The following CTH variants were observed in gnomAD, a reference collection of about 807,000 sequenced individuals.
The protein encoded by CTH is cystathionase (cystathionine gamma-lyase).
In CTH, 41 loss-of-function variants were observed where a neutral mutation model predicts 50.6. The observed-to-expected ratio is 0.81, with a 90% CI of 0.63 to 1.05. The LOEUF (loss-of-function observed/expected upper bound fraction) is 1.05, where lower values mean the gene tolerates loss of function less well. Among genes scored for constraint, CTH ranks in the 50% least tolerant of loss-of-function variants. The pLI is 0.00. For missense variants in CTH, 470 were observed against 492.6 expected (o/e 0.95, Z 0.43); for synonymous variants, 156 against 168.9 (o/e 0.92, Z 0.59).
rs1684495992 is a variant in CTH, at chr1:70,432,375, T to C, written c.877+140T>C. 3 of 1,023,244 alleles carry C rather than the reference T, an allele frequency of 2.9e-6. No homozygotes were observed. The Admixed American group carries it at 6.2e-5, about 21-fold the overall frequency. The allele number at this position is 1,023,244 out of a possible 1,614,324, so 63.4% of individuals were successfully genotyped here. ...ATTTATTATTGAGCACTGCCATGTG[T>C]CAGGCTCTGTGGTGGGTCAGGTGGA... On this transcript the variant is annotated intron_variant, in intron 8 of 11. Transcript: ENST00000370938.
intron 9 of CTH, chr1:70,434,875 T>G (rs1209027947): frequency 2.9e-6 from 1 of 350,274 alleles, no homozygotes; most frequent in Non-Finnish European, 5.5e-6. Flanking sequence ...GCTTCAGCCT[T>G]CCAGGTAGCT....
At chr1:70,414,067 T>C (rs1173875229) in intron 1 of CTH, among the ~76,000 whole-genome samples, 1 of 151,804 alleles carries the variant, frequency 6.6e-6, no homozygotes, top group Non-Finnish European at 1.5e-5. Flanking sequence ...TAAAGGGAAT[T>C]TGAAGAGCTG....
chr1:70,418,851 C>A (rs895984370), intron 3 of CTH, among the ~76,000 whole-genome samples: 7 of 152,042 alleles, frequency 4.6e-5, no homozygotes, highest in African/African-American at 1.4e-4. Context: ...GAGTGATTAG[C>A]ATTTTAATTT....
At position 70,433,844 on chromosome 1, in the gene CTH, A is replaced by G; in HGVS notation, c.894A>G (p.Pro298=). ...TGATTACAGGGCTGCCCTCTCATCC[A>G]CAGCATGAGTTGGTGAAGCGTCAGT... ...KVIYPGLPSH[P]QHELVKRQCT... The change falls in exon 9 of 12, where the codon CCA becomes CCG. Residue 298 remains proline (P), a synonymous_variant. Coordinates refer to ENST00000370938, the MANE Select transcript of CTH (RefSeq NM_001902.6). The G allele has an allele frequency of 1.2e-6, 2 of 1,614,012 alleles. No individual in the cohort carries two copies. Among genetic ancestry groups the G allele is most frequent in the South Asian group, 1.1e-5 (1 of 91,080 alleles).
chr1:70,437,443 A>G (rs1684621549), intron 10 of CTH, among the ~76,000 whole-genome samples: 1 of 152,198 alleles, frequency 6.6e-6, no homozygotes, highest in Non-Finnish European at 1.5e-5. Context: ...CAAACCACCT[A>G]GTAGAGTATC....
intron 5 of CTH, among the ~76,000 whole-genome samples, chr1:70,425,495 C>T (rs1189778789): frequency 6.6e-6 from 1 of 152,178 alleles, no homozygotes; most frequent in Non-Finnish European, 1.5e-5. Context: ...CCTCTTTTAT[C>T]AGGGCACTGT....
chr1:70,428,777 A>C, intron 5 of CTH, among the ~76,000 whole-genome samples: 1 of 151,696 alleles, frequency 6.6e-6, no homozygotes, highest in East Asian at 1.9e-4. Flanking sequence ...TGCTCAGCTA[A>C]TTTTTTTGTA....
At chr1:70,422,453 T>G (rs1173129800) in intron 4 of CTH, among the ~76,000 whole-genome samples, 1 of 152,218 alleles carries the variant, frequency 6.6e-6, no homozygotes, top group Non-Finnish European at 1.5e-5. Context: ...AAGATTATGT[T>G]GCAATGAATG....
chr1:70,424,259 T>G lies in CTH; in HGVS notation c.457-26T>G, dbSNP rs749286875. 1.9e-6 allele frequency: 3 copies of G among 1,613,800 alleles called. No homozygotes were observed. The East Asian group carries it at 6.7e-5, about 36-fold the overall frequency. The stretch of plus-strand genomic sequence containing the variant: ...GTTTGTAAAGTATATTTTTACAAAC[T>G]ACTGTTATTTGCTGAATTATTTTAG... On this transcript the variant is annotated intron_variant, in intron 4 of 11. Coordinates refer to ENST00000370938, the MANE Select transcript of CTH (RefSeq NM_001902.6).
chr1:70,420,946 T>G (rs1225774947), intron 3 of CTH, among the ~76,000 whole-genome samples: 3 of 152,162 alleles, frequency 2.0e-5, no homozygotes, highest in Admixed American at 2.0e-4. Context: ...GTTGTTGTTG[T>G]TGTTATTGAG....
At chr1:70,432,363 C>A in intron 8 of CTH, 128 bp downstream of exon 8, 1 of 1,121,924 alleles carries the variant, frequency 8.9e-7, no homozygotes, top group Non-Finnish European at 1.3e-6. Context: ...TATTATTGAG[C>A]ACTGCCATGT....
chr1:70,431,552 A>C (rs1157897711), intron 7 of CTH, among the ~76,000 whole-genome samples: 1 of 152,216 alleles, frequency 6.6e-6, no homozygotes, highest in Admixed American at 6.5e-5. Flanking sequence ...TAGGAATAAA[A>C]ATGTCCTCCA....
Position 70,416,003 on chromosome 1 carries a change from A to C in CTH, c.216A>C (p.Glu72Asp). ...RSGNPTRNCL[E>D]KAVAALDGAK... ...GAAATCCCACTAGGAATTGCCTTGA[A>C]AAAGCAGTGGCAGCACTGGATGGGG... Residue 72 changes from glutamate (E) to aspartate (D), a missense_variant, in exon 2 of 12, where the codon GAA becomes GAC. Coordinates refer to ENST00000370938, the MANE Select transcript of CTH (RefSeq NM_001902.6). The C allele has an allele frequency of 1.2e-6, 2 of 1,609,878 alleles. No homozygotes were observed. The highest frequency in any genetic ancestry group is 2.2e-5 in the South Asian group (2 of 90,998).
intron 3 of CTH, 151 bp downstream of exon 3, chr1:70,418,183 G>A: frequency 1.1e-6 from 1 of 885,856 alleles, no homozygotes; most frequent in South Asian, 1.5e-5. Flanking sequence ...TCTCAGACTT[G>A]GGAAAAGAGG....
rs1418601628 is a variant in CTH at position 70,439,248 on chromosome 1, T to A, written c.*121T>A. The stretch of plus-strand genomic sequence containing the variant: ...GCGGAAATTTTAAGGCACCTCATTA[T>A]CTTTCATAACTGTAATTTTCTTAGG... On this transcript the variant is annotated 3_prime_UTR_variant, in exon 12 of 12. Coordinates refer to ENST00000370938, the MANE Select transcript of CTH (RefSeq NM_001902.6). 1.1e-6 allele frequency: 1 copy of A among 876,230 alleles called. No homozygotes were observed. The highest frequency in any genetic ancestry group is 1.7e-5 in the African/African-American group (1 of 60,588). The allele number at this position is 876,230 out of a possible 1,614,324, so 54.3% of individuals were successfully genotyped here.
chr1:70,434,793 C>A (rs897476148), intron 9 of CTH: 9 of 158,200 alleles, frequency 5.7e-5, no homozygotes, highest in Non-Finnish European at 9.3e-5. Context: ...CACTCTTTTG[C>A]CCAGACTGGA....
chr1:70,428,271 T>C (rs1338655668), intron 5 of CTH, among the ~76,000 whole-genome samples: 1 of 152,016 alleles, frequency 6.6e-6, no homozygotes, highest in Non-Finnish European at 1.5e-5. Context: ...GGTCAATGGG[T>C]ACAAAGTTAC....
chr1:70,417,484 C>A (rs1413232137), intron 2 of CTH, among the ~76,000 whole-genome samples: 1 of 151,800 alleles, frequency 6.6e-6, no homozygotes, highest in Non-Finnish European at 1.5e-5. Context: ...AGAGTTTCAC[C>A]CTGTTGGCCA....
chr1:70,438,532 C>A (rs551994070), intron 10 of CTH, among the ~76,000 whole-genome samples, 156 bp from the exon 11 acceptor site: 1 of 152,094 alleles, frequency 6.6e-6, no homozygotes, highest in Non-Finnish European at 1.5e-5. Context: ...AGATAAGTTT[C>A]GTAATTTTCT....
Sources: gnomAD v4.1 joint callset for allele counts (sites outside exome capture counted in the v4.1 genomes callset) on GRCh38, gnomAD v4.1.1 for gene constraint, MANE v1.5 for transcripts, NCBI Gene and HGNC (gene_info 2026-07-23, HGNC 2026-07-21) for gene names.